Variants in MINDY4B observed in about 807,000 individuals in gnomAD.
MINDY4B encodes MINDY family member 4B, also known as inactive ubiquitin carboxyl-terminal hydrolase MINDY-4B.
A neutral mutation model predicts 16.7 loss-of-function variants in MINDY4B; 25 were observed. That is an observed-to-expected ratio of 1.49 (90% CI 1.09 to 2.09). The LOEUF (loss-of-function observed/expected upper bound fraction) is 2.09, where lower values mean the gene tolerates loss of function less well. Ranked by LOEUF, MINDY4B falls within the 30% of genes most tolerant of loss-of-function variation. The pLI is 0.00. For missense variants in MINDY4B, 327 were observed against 168.4 expected, an observed-to-expected ratio of 1.94 and a Z score of -5.21; for synonymous variants, 132 against 61.9, an observed-to-expected ratio of 2.13 and a Z score of -5.32.
intron 11 of MINDY4B, 109 bp from the exon 12 acceptor site, chr3:150,871,296 T>C (rs1328345116): frequency 1.7e-5 from 11 of 631,484 alleles, no homozygotes; most frequent in East Asian, 8.2e-5. Context: ...GCTTGGAAAA[T>C]TGTGCTCCTA....
chr3:150,903,676 C>T (rs1181204370), intron 2 of MINDY4B, among the ~76,000 whole-genome samples: 2 of 152,106 alleles, frequency 1.3e-5, no homozygotes, highest in Non-Finnish European at 2.9e-5. Context: ...GCCATCAAGA[C>T]CTTGACTTGA....
At chr3:150,883,081 A>G (rs1306543908) in intron 9 of MINDY4B, 23 bp from the exon 10 acceptor site, 6 of 654,892 alleles carry the variant, frequency 9.2e-6, no homozygotes, top group Non-Finnish European at 1.7e-5. Flanking sequence ...TTTTACAGAT[A>G]CTTATATTTT....
chr3:150,886,582 C>T (rs1418347637), intron 7 of MINDY4B, among the ~76,000 whole-genome samples: 2 of 152,228 alleles, frequency 1.3e-5, no homozygotes, highest in Non-Finnish European at 2.9e-5. Flanking sequence ...GTTAAAAGTC[C>T]AATATGGGTC....
At chr3:150,883,893 C>A in intron 8 of MINDY4B, 121 bp from the exon 9 acceptor site, 1 of 623,538 alleles carries the variant, frequency 1.6e-6, no homozygotes, top group Non-Finnish European at 2.9e-6. Flanking sequence ...CTGTTTCTCA[C>A]TTGCACTTTT....
At chr3:150,887,782 T>C (rs2107902775) in intron 7 of MINDY4B, among the ~76,000 whole-genome samples, 1 of 152,266 alleles carries the variant, frequency 6.6e-6, no homozygotes, top group African/African-American at 2.4e-5. Context: ...CTCTCACAGT[T>C]TGGGAAGCTA....
intron 5 of MINDY4B, among the ~76,000 whole-genome samples, chr3:150,891,634 C>T (rs1251889416): frequency 3.3e-5 from 5 of 151,772 alleles, no homozygotes; most frequent in East Asian, 1.9e-4. Context: ...TGGTGGCAGG[C>T]GCCTGTAGTC....
chr3:150,877,862 A>C (rs1219408219), intron 10 of MINDY4B, among the ~76,000 whole-genome samples: 1 of 152,234 alleles, frequency 6.6e-6, no homozygotes, highest in Non-Finnish European at 1.5e-5. Context: ...ATGATAGAGT[A>C]TAATTCTAAG....
chr3:150,872,002 C>T (rs1392677650), intron 11 of MINDY4B, among the ~76,000 whole-genome samples: 2 of 152,200 alleles, frequency 1.3e-5, no homozygotes, highest in Non-Finnish European at 2.9e-5. Flanking sequence ...AGGTACTTAG[C>T]ATCTATTGCT....
chr3:150,889,765 A>T (rs1711718177), intron 7 of MINDY4B, among the ~76,000 whole-genome samples: 1 of 152,134 alleles, frequency 6.6e-6, no homozygotes, highest in Non-Finnish European at 1.5e-5. Context: ...ATTTCTTTCT[A>T]CACAGAAGAG....
At chr3:150,893,158 C>A (rs1711859672) in intron 5 of MINDY4B, among the ~76,000 whole-genome samples, 166 bp downstream of exon 5, 1 of 152,274 alleles carries the variant, frequency 6.6e-6, no homozygotes, top group African/African-American at 2.4e-5. Flanking sequence ...TCCAGCAGAG[C>A]CCTTCCCAGT....
chr3:150,886,027 T>C (rs1711614365), intron 7 of MINDY4B, among the ~76,000 whole-genome samples: 1 of 152,230 alleles, frequency 6.6e-6, no homozygotes, highest in Admixed American at 6.5e-5. Context: ...TGGAATATGC[T>C]AGATCCACAG....
intron 10 of MINDY4B, among the ~76,000 whole-genome samples, chr3:150,877,211 G>A (rs1355047861): frequency 1.3e-5 from 2 of 152,176 alleles, no homozygotes; most frequent in African/African-American, 2.4e-5. Flanking sequence ...GAATCTACCT[G>A]TCAGGCAGCA....
intron 8 of MINDY4B, among the ~76,000 whole-genome samples, chr3:150,885,056 A>G (rs2107901018): frequency 6.6e-6 from 1 of 152,332 alleles, no homozygotes. Flanking sequence ...CATGGATCTA[A>G]ATAATAAAAT....
In MINDY4B at chr3:150,873,312, C is replaced by T. The variant is rs1184790586; in HGVS notation, c.1115G>A (p.Gly372Glu). 3 of 702,814 alleles carry T rather than the reference C, an allele frequency of 4.3e-6. No individual in the cohort carries two copies. The highest frequency in any genetic ancestry group is 7.8e-6 in the Non-Finnish European group (3 of 384,848). 43.5% of individuals were successfully genotyped at this position (702,814 alleles called of 1,614,324 possible). A position where few individuals can be genotyped will look rare whatever the true frequency, so the allele number is the denominator to read the frequency against. ...KLPIWLCNIN[G>E]NYSILFCTNR... The stretch of plus-strand genomic sequence containing the variant: ...TGTGCAAAAAAGGATGCTGTAATTT[C>T]CATTGATGTTGCACAGCCAAATAGG... Residue 372 changes from glycine to glutamate, a missense_variant, in exon 11 of 12, where the codon GGA becomes GAA. Coordinates refer to ENST00000465419, the MANE Select transcript of MINDY4B (RefSeq NM_001351281.2).
chr3:150,874,276 A>G (rs1439467580), intron 10 of MINDY4B, among the ~76,000 whole-genome samples: 1 of 152,016 alleles, frequency 6.6e-6, no homozygotes, highest in Non-Finnish European at 1.5e-5. Flanking sequence ...TTGGCCTCCC[A>G]ACTATTGGAA....
rs911555691 is a variant in MINDY4B, at chr3:150,894,049, G to A, written c.429+137C>T. The A allele has an allele frequency of 7.9e-6, 4 of 508,538 alleles. No homozygotes were observed. In the Admixed American group the frequency reaches 1.5e-4, roughly 19 times the overall value. The allele number at this position is 508,538 out of a possible 1,614,324, so 31.5% of individuals were successfully genotyped here. On this transcript the variant is annotated intron_variant, in intron 4 of 11. Transcript: ENST00000465419. The stretch of plus-strand genomic sequence containing the variant: ...TTTAAATAGTCTGTTATCATTTAAG[G>A]TTAAACTTTACATTATAAATATATT...
intron 4 of MINDY4B, among the ~76,000 whole-genome samples, chr3:150,893,949 C>G (rs552277489): frequency 6.6e-6 from 1 of 152,308 alleles, no homozygotes; most frequent in African/African-American, 2.4e-5. Context: ...CCTCAGCCTC[C>G]CAAACAGCTG....
intron 2 of MINDY4B, among the ~76,000 whole-genome samples, chr3:150,904,314 G>A (rs1212818246): frequency 6.6e-6 from 1 of 152,026 alleles, no homozygotes; most frequent in Non-Finnish European, 1.5e-5. Context: ...ATACTTCCAA[G>A]ACTAAAATAG....
rs1711544720 is a variant in MINDY4B, at chr3:150,882,919, G to A, written c.1037C>T (p.Ser346Leu). 5 of 702,374 alleles carry A rather than the reference G, an allele frequency of 7.1e-6. No homozygotes were observed. Among genetic ancestry groups the A allele is most frequent in the African/African-American group, 1.7e-5 (1 of 57,186 alleles). The allele number at this position is 702,374 out of a possible 1,614,324, so 43.5% of individuals were successfully genotyped here. Residue 346 changes from serine to leucine, a missense_variant, in exon 10 of 12, where the codon TCG (serine) becomes TTG (leucine). By Grantham distance (145) the Ser-to-Leu change is moderately radical. Coordinates refer to ENST00000465419, the MANE Select transcript of MINDY4B (RefSeq NM_001351281.2). ...VGYLQWGKDASEDDRLSQVGS... is the reference protein window; with the variant it reads ...VGYLQWGKDALEDDRLSQVGS... ...CACCTGTGAGAGTCTGTCATCTTCC[G>A]AGGCATCCTTACCCCACTGCAAATA...
Sources: allele counts gnomAD v4.1 joint callset (sites outside exome capture counted in the v4.1 genomes callset), GRCh38; gene constraint gnomAD v4.1.1; transcripts MANE v1.5; gene names NCBI Gene and HGNC (gene_info 2026-07-23, HGNC 2026-07-21).